BTD: variants seen among roughly 807,000 people sequenced by gnomAD.
BTD encodes biocytinase.
In BTD, 13 loss-of-function variants were observed where a neutral mutation model predicts 17.7. The ratio of observed to expected loss-of-function variants is 0.74; its 90% confidence interval spans 0.48 to 1.17. The LOEUF (loss-of-function observed/expected upper bound fraction) is 1.17, where lower values mean the gene tolerates loss of function less well. Among genes scored for constraint, BTD ranks in the 50% most tolerant of loss-of-function variants. The pLI is 0.00. For missense variants in BTD, 674 were observed against 650.4 expected (o/e 1.04, Z -0.39); for synonymous variants, 240 against 245.2 (o/e 0.98, Z 0.20).
intron 1 of BTD, among the ~76,000 whole-genome samples, chr3:15,610,634 T>G (rs1324154561): frequency 6.6e-6 from 1 of 152,222 alleles, no homozygotes; most frequent in Non-Finnish European, 1.5e-5. Flanking sequence ...TTTCCTATCC[T>G]AACACCAATC....
intron 3 of BTD, among the ~76,000 whole-genome samples, 169 bp from the exon 4 acceptor site, chr3:15,644,147 T>C (rs1030777144): frequency 1.3e-5 from 2 of 151,844 alleles, no homozygotes; most frequent in African/African-American, 2.4e-5. Flanking sequence ...ACTACAGGCA[T>C]CCACCACCAC....
At chr3:15,654,307 G>C (rs2065848913), downstream of BTD, among the ~76,000 whole-genome samples, 1 of 152,128 alleles carries the variant, frequency 6.6e-6, no homozygotes, top group African/African-American at 2.4e-5. Flanking sequence ...GGAAGAGTTA[G>C]GGTTTATGTG....
intron 3 of BTD, among the ~76,000 whole-genome samples, chr3:15,706,860 A>T (rs1181443051): frequency 1.3e-5 from 2 of 152,014 alleles, no homozygotes; most frequent in African/African-American, 2.4e-5. Flanking sequence ...GCATTTTTTC[A>T]TGTGTCTGTT....
intron 4 of BTD, among the ~76,000 whole-genome samples, chr3:15,720,623 T>A (rs1490273842): frequency 5.3e-5 from 8 of 152,176 alleles, no homozygotes; most frequent in Non-Finnish European, 1.2e-4. Context: ...CGTCCCTTCA[T>A]GCCCCTTTCC....
intron 3 of BTD, chr3:15,676,213 A>G (rs1404968639): frequency 5.0e-6 from 2 of 398,966 alleles, no homozygotes; most frequent in East Asian, 3.7e-5. Context: ...GCTCAGCCAT[A>G]GGTCCCATCG....
intron 4 of BTD, among the ~76,000 whole-genome samples, chr3:15,717,908 T>C (rs1040790145): frequency 4.6e-5 from 7 of 152,120 alleles, no homozygotes; most frequent in African/African-American, 1.7e-4. Flanking sequence ...TTTCTAGTCA[T>C]CTATAACTTG....
intron 3 of BTD, chr3:15,685,085 T>C: frequency 1.3e-6 from 1 of 751,440 alleles, no homozygotes; most frequent in Non-Finnish European, 2.2e-6. Flanking sequence ...ACGTACTAAG[T>C]ATTATTAGTA....
Position 15,648,044 on chromosome 3 carries a change from C to T in BTD, c.*2556C>T, listed in dbSNP as rs1367259656. On this transcript the variant is annotated 3_prime_UTR_variant, in exon 4 of 4. Coordinates refer to ENST00000643237, the MANE Select transcript of BTD (RefSeq NM_001370658.1). The stretch of plus-strand genomic sequence containing the variant: ...AGGTGGCCCTGCTTGGTACCTGTGC[C>T]CCCACCCCCCAGCCATGGTATATTG... Among the ~76,000 whole-genome samples, 1 of 152,074 alleles carries T rather than the reference C, an allele frequency of 6.6e-6. No individual in the cohort carries two copies. Among genetic ancestry groups the T allele is most frequent in the African/African-American group, 2.4e-5 (1 of 41,406 alleles).
At chr3:15,636,476 A>G (rs1391482607) in intron 2 of BTD, among the ~76,000 whole-genome samples, 1 of 152,196 alleles carries the variant, frequency 6.6e-6, no homozygotes, top group Non-Finnish European at 1.5e-5. Flanking sequence ...GAGGTTGCCT[A>G]AGAAAATGCC....
rs144290818 is a variant in BTD, at chr3:15,650,616, A to G, written c.*5128A>G. Reference sequence around the variant, plus strand: ...CTCTCGTGTAGTTGCAACAATGGCCATGACTTCTAGGCTTCATCTGCCCCT... The same window carrying G: ...CTCTCGTGTAGTTGCAACAATGGCCGTGACTTCTAGGCTTCATCTGCCCCT... On this transcript the variant is annotated 3_prime_UTR_variant, in exon 4 of 4. Coordinates refer to ENST00000643237, the MANE Select transcript of BTD (RefSeq NM_001370658.1). Among the ~76,000 whole-genome samples, 1 of 152,180 alleles carries G rather than the reference A, an allele frequency of 6.6e-6. No individual in the cohort carries two copies. The highest frequency in any genetic ancestry group is 1.5e-5 in the Non-Finnish European group (1 of 68,014).
intron 1 of BTD, chr3:15,631,631 TGGG>T (rs1347536551): frequency 6.8e-6 from 5 of 738,042 alleles, no homozygotes; most frequent in East Asian, 5.5e-5. Context: ...GGACTGGTGT[TGGG>T]GGAATGTTTT....
At chr3:15,700,512 A>C (rs2070412028) in intron 3 of BTD, among the ~76,000 whole-genome samples, 1 of 152,052 alleles carries the variant, frequency 6.6e-6, no homozygotes, top group South Asian at 2.1e-4. Flanking sequence ...GCGGTGGCTC[A>C]TGCCTGTAAT....
chr3:15,639,167 G>T (rs568232230), intron 2 of BTD, among the ~76,000 whole-genome samples: 91 of 151,930 alleles, frequency 6.0e-4, no homozygotes, highest in Middle Eastern at 3.4e-3. Flanking sequence ...TTACTTCCTA[G>T]ATAGGATTAC....
exon 4 of BTD, among the ~76,000 whole-genome samples, chr3:15,712,476 C>T (rs1455708884): frequency 6.6e-6 from 1 of 152,166 alleles, no homozygotes; most frequent in East Asian, 1.9e-4. Context: ...AGAAGCCATT[C>T]TGTGCATACA....
At chr3:15,703,193 T>C (rs2070869343) in intron 3 of BTD, among the ~76,000 whole-genome samples, 1 of 152,136 alleles carries the variant, frequency 6.6e-6, no homozygotes, top group Admixed American at 6.5e-5. Flanking sequence ...AAATATCAGA[T>C]ACATAGGAAT....
At chr3:15,629,548 G>T (rs2065151401) in intron 1 of BTD, among the ~76,000 whole-genome samples, 1 of 152,096 alleles carries the variant, frequency 6.6e-6, no homozygotes, top group Non-Finnish European at 1.5e-5. Context: ...TTTTGAGATG[G>T]AATCTCACTC....
intron 3 of BTD, among the ~76,000 whole-genome samples, chr3:15,683,257 C>T (rs1162589463): frequency 6.6e-6 from 1 of 152,146 alleles, no homozygotes; most frequent in African/African-American, 2.4e-5. Flanking sequence ...GACTTTTTTA[C>T]AGAAACACAA....
chr3:15,696,320 T>A, intron 3 of BTD: 1 of 945,570 alleles, frequency 1.1e-6, no homozygotes, highest in African/African-American at 1.6e-5. Context: ...AGACTGAAAT[T>A]AAAAACTGAC....
chr3:15,667,878 T>C lies in BTD; in HGVS notation c.399+25821T>C, dbSNP rs2066061794. The C allele has an allele frequency of 1.3e-5, 2 of 152,192 alleles. 1 individual carries two copies. Among genetic ancestry groups the C allele is most frequent in the South Asian group, 4.1e-4 (2 of 4,830 alleles). 9.4% of individuals were successfully genotyped at this position (152,192 alleles called of 1,614,324 possible). A position where few individuals can be genotyped will look rare whatever the true frequency, so the allele number is the denominator to read the frequency against. On this transcript the variant is annotated intron_variant, in intron 3 of 3. Coordinates refer to the BTD transcript ENST00000672141. ...ATAAATTAAAAACAGCTTGTCACTT[T>C]ATAGCTACACCTTGGATTTCATTAG... is the stretch of plus-strand genomic sequence containing the variant.
Sources: allele counts gnomAD v4.1 joint callset (sites outside exome capture counted in the v4.1 genomes callset), GRCh38; gene constraint gnomAD v4.1.1; transcripts MANE v1.5; gene names NCBI Gene and HGNC (gene_info 2026-07-23, HGNC 2026-07-21).